GAS5: variants seen among roughly 807,000 people sequenced by gnomAD.
GAS5 encodes the protein growth arrest specific 5 (non-protein coding).
chr1:173,864,831 T>C (rs1392142610), intron 6 of GAS5: 2 of 519,150 alleles, frequency 3.9e-6, no homozygotes, highest in Admixed American at 3.9e-5. Flanking sequence ...TACCGCCAGA[T>C]ACATCAGATA....
upstream of GAS5, chr1:173,868,967 C>G (rs990300730): frequency 6.5e-6 from 1 of 152,684 alleles, no homozygotes; most frequent in Non-Finnish European, 1.5e-5. Context: ...GACTTTCCTC[C>G]AGGGGCTTCC....
intron 2 of GAS5, chr1:173,866,570 G>T: frequency 1.3e-6 from 1 of 756,676 alleles, no homozygotes. Flanking sequence ...TTTAGGACCT[G>T]GGAAGAAACA....
intron 3 of GAS5, chr1:173,866,374 T>C (rs1417914473): frequency 1.9e-6 from 1 of 535,408 alleles, no homozygotes; most frequent in South Asian, 1.4e-5. Context: ...AGTATCTGTT[T>C]TCACATTTTC....
upstream of GAS5, chr1:173,867,239 C>G: frequency 1.9e-6 from 1 of 527,988 alleles, no homozygotes; most frequent in East Asian, 3.0e-5. Context: ...CCGATGGCGG[C>G]CGGGCGCGGT....
chr1:173,867,933 C>T (rs1223441097), upstream of GAS5: 3 of 359,816 alleles, frequency 8.3e-6, no homozygotes, highest in East Asian at 2.2e-4. Flanking sequence ...CCCCAAAACC[C>T]GCAACATTCG....
upstream of GAS5, chr1:173,867,121 T>C: frequency 8.2e-6 from 5 of 608,328 alleles, no homozygotes; most frequent in Admixed American, 3.0e-5. Flanking sequence ...AAAAAACGGT[T>C]CGTCTTTTTA....
At chr1:173,865,723 A>C (rs754135848) in intron 5 of GAS5, 3 of 519,220 alleles carry the variant, frequency 5.8e-6, no homozygotes, top group Admixed American at 1.9e-5. Flanking sequence ...AAAACACATA[A>C]ACACTGTTCC....
upstream of GAS5, chr1:173,867,489 G>A: frequency 2.7e-6 from 1 of 368,504 alleles, no homozygotes; most frequent in South Asian, 2.0e-5. Context: ...TCCAGCCTGG[G>A]TGACAGAACG....
upstream of GAS5, chr1:173,867,795 C>T: frequency 1.9e-6 from 1 of 518,908 alleles, no homozygotes; most frequent in African/African-American, 1.9e-5. Context: ...ATAGTCGCAG[C>T]TTAGGTCACG....
chr1:173,866,703 C>T, intron 2 of GAS5: 1 of 765,336 alleles, frequency 1.3e-6, no homozygotes, highest in Non-Finnish European at 2.4e-6. Flanking sequence ...AATAAACTGT[C>T]ATCATTGTGG....
chr1:173,867,503 C>A (rs918069603), upstream of GAS5: 9 of 371,472 alleles, frequency 2.4e-5, no homozygotes, highest in African/African-American at 1.5e-4. Context: ...CAGAACGAGG[C>A]TCGGTCTCAA....
chr1:173,867,977 C>T (rs910651228), upstream of GAS5: 2 of 332,196 alleles, frequency 6.0e-6, no homozygotes, highest in Non-Finnish European at 1.2e-5. Flanking sequence ...GAGTCGACTC[C>T]TACCTCGAAA....
upstream of GAS5, chr1:173,867,676 A>G (rs1355503688): frequency 1.9e-6 from 1 of 519,074 alleles, no homozygotes; most frequent in East Asian, 5.5e-5. Flanking sequence ...GGCATGTGCC[A>G]CCATCAGAGC....
At chr1:173,866,890 A>G (rs777396072) in intron 1 of GAS5, 1 of 765,514 alleles carries the variant, frequency 1.3e-6, no homozygotes, top group Non-Finnish European at 2.4e-6. Context: ...GCCTCAGAAT[A>G]GAATTTCAGA....
chr1:173,867,686 C>T (rs1654999964), upstream of GAS5: 1 of 518,948 alleles, frequency 1.9e-6, no homozygotes. Flanking sequence ...ACCATCAGAG[C>T]GGTTGGCATT....
upstream of GAS5, chr1:173,867,673 G>A (rs528665946): frequency 1.5e-5 from 8 of 519,044 alleles, no homozygotes; most frequent in Non-Finnish European, 2.7e-5. Context: ...CTCGGCATGT[G>A]CCACCATCAG....
chr1:173,865,321 AGGTGGAT>A, intron 6 of GAS5: 1 of 482,152 alleles, frequency 2.1e-6, no homozygotes, highest in Non-Finnish European at 4.2e-6. Flanking sequence ...AGGTAGTAAT[AGGTGGAT>A]TTCTAAAAGA....
chr1:173,866,440 G>A lies in GAS5; in HGVS notation n.131+88C>T, dbSNP rs367850602. The A allele has an allele frequency of 3.9e-5, 24 of 608,474 alleles. No homozygotes were observed. The African/African-American group carries it at 3.9e-4, about 10-fold the overall frequency. The allele number at this position is 608,474 out of a possible 1,614,324, so 37.7% of individuals were successfully genotyped here. A position where few individuals can be genotyped will look rare whatever the true frequency, so the allele number is the denominator to read the frequency against. On this transcript the variant is annotated intron_variant and non_coding_transcript_variant, in intron 3 of 7. Transcript: ENST00000651080. ...GCAAAATTCTCATTTGAAAAGAGGGGAGAGAAGCACTAACATAGATAATCA... is the reference window on the plus strand; with the variant it reads ...GCAAAATTCTCATTTGAAAAGAGGGAAGAGAAGCACTAACATAGATAATCA...
chr1:173,865,169 T>C (rs1306754406), intron 6 of GAS5: 1 of 337,078 alleles, frequency 3.0e-6, no homozygotes, highest in East Asian at 8.0e-5. Context: ...TGCACTCCAT[T>C]CTGGGCAAGA....
Sources: allele counts gnomAD v4.1 joint callset, GRCh38; gene constraint gnomAD v4.1.1; transcripts MANE v1.5; gene names NCBI Gene and HGNC (gene_info 2026-07-23, HGNC 2026-07-21).